The following REPS2 variants were observed in gnomAD, a reference collection of about 807,000 sequenced individuals.
The protein encoded by REPS2 is ralBP1-associated Eps domain-containing protein 2.
REPS2 carries 23 observed loss-of-function variants against 53.6 expected under a neutral mutation model. That is an observed-to-expected ratio of 0.43 (90% CI 0.31 to 0.61). The LOEUF (loss-of-function observed/expected upper bound fraction) is 0.61, where lower values mean the gene tolerates loss of function less well. Ranked by LOEUF, REPS2 falls within the 20% of genes least tolerant of loss-of-function variation. The pLI, the probability that REPS2 is intolerant of heterozygous loss-of-function variation, is 0.11. For synonymous variants in REPS2, 238 were observed against 218.6 expected, an observed-to-expected ratio of 1.09 and a Z score of -0.78; for missense variants, 446 against 534.9, an observed-to-expected ratio of 0.83 and a Z score of 1.64.
intron 14 of REPS2, among the ~76,000 whole-genome samples, chrX:17,127,589 G>A (rs994126430): frequency 1.3e-4 from 15 of 111,776 alleles, no homozygotes; most frequent in Admixed American, 5.7e-4. Flanking sequence ...AAATGACCCA[G>A]AACAAACCAG....
At chrX:17,064,279 G>A (rs1161427392) in intron 9 of REPS2, among the ~76,000 whole-genome samples, 1 of 111,726 alleles carries the variant, frequency 9.0e-6, no homozygotes, top group African/African-American at 3.3e-5. Flanking sequence ...TAAGAAGTAC[G>A]GGTCAGATTG....
At chrX:17,173,495 A>G in the REPS2 span, among the ~76,000 whole-genome samples, 9 of 111,714 alleles carry the variant, frequency 8.1e-5, no homozygotes, top group South Asian at 3.7e-4. Flanking sequence ...CTCTATCTCT[A>G]TCTATCATAA....
intron 1 of REPS2, among the ~76,000 whole-genome samples, chrX:17,000,028 C>A: frequency 1.3e-5 from 1 of 75,952 alleles, no homozygotes. Flanking sequence ...GCCTGGGCGA[C>A]AGAGCGAGAC....
At chrX:16,992,487 T>A (rs1398615100) in intron 1 of REPS2, among the ~76,000 whole-genome samples, 1 of 112,479 alleles carries the variant, frequency 8.9e-6, no homozygotes, top group African/African-American at 3.2e-5. Flanking sequence ...ATATTTGGAC[T>A]GACTCTGCCT....
At chrX:16,957,790 A>G (rs1215819861) in intron 1 of REPS2, among the ~76,000 whole-genome samples, 1 of 111,743 alleles carries the variant, frequency 8.9e-6, no homozygotes, top group African/African-American at 3.3e-5. Flanking sequence ...CATGACTGAC[A>G]CTTTGGGGCT....
At chrX:17,030,964 AC>A (rs2061702084) in intron 5 of REPS2, among the ~76,000 whole-genome samples, 1 of 112,345 alleles carries the variant, frequency 8.9e-6, no homozygotes, top group Non-Finnish European at 1.9e-5. Flanking sequence ...CCTTATTGAT[AC>A]CACACTGGAG....
intron 9 of REPS2, among the ~76,000 whole-genome samples, chrX:17,065,775 C>T (rs1235998581): frequency 9.0e-6 from 1 of 110,886 alleles, no homozygotes; most frequent in East Asian, 2.8e-4. Context: ...TTAGTGGAGA[C>T]GGGGTTTCAC....
chrX:16,991,152 A>G (rs1350046012), intron 1 of REPS2, among the ~76,000 whole-genome samples: 1 of 111,404 alleles, frequency 9.0e-6, no homozygotes, highest in African/African-American at 3.3e-5. Flanking sequence ...GTCAGTTCCA[A>G]GGTCTTTTCT....
intron 14 of REPS2, among the ~76,000 whole-genome samples, chrX:17,122,077 G>T (rs1168363691): frequency 2.7e-5 from 3 of 111,052 alleles, no homozygotes; most frequent in Non-Finnish European, 5.7e-5. Context: ...AAGTATAATT[G>T]CATATAGAAA....
intron 14 of REPS2, among the ~76,000 whole-genome samples, chrX:17,133,218 ATCT>A (rs916265078): frequency 1.8e-5 from 2 of 109,538 alleles, no homozygotes; most frequent in African/African-American, 6.7e-5. Flanking sequence ...AACCTTGCAG[ATCT>A]TCTCTGTGGT....
At chrX:17,082,950 A>G (rs1398319063) in intron 13 of REPS2, among the ~76,000 whole-genome samples, 1 of 111,590 alleles carries the variant, frequency 9.0e-6, no homozygotes, top group Non-Finnish European at 1.9e-5. Context: ...TGAAAGTACC[A>G]GAGATGTCTT....
At position 17,147,571 on chromosome X, in the gene REPS2, TTGAC is replaced by T. The variant is rs1293612563; in HGVS notation, c.*93_*96del. 20 of 714,586 alleles carry T rather than the reference TTGAC, an allele frequency of 2.8e-5. No individual in the cohort carries two copies. In the East Asian group the frequency reaches 5.7e-4, roughly 20 times the overall value. 58.9% of individuals were successfully genotyped at this position (714,586 alleles called of 1,213,427 possible). A position where few individuals can be genotyped will look rare whatever the true frequency, so the allele number is the denominator to read the frequency against. ...GAACCCAACTACTTGTCATAGATGT[TTGAC>T]TGTGTCAAAAGCTGTGAGCAGCAAA... is the stretch of plus-strand genomic sequence containing the variant. On this transcript the variant is annotated 3_prime_UTR_variant, in exon 18 of 18. Coordinates refer to ENST00000357277, the MANE Select transcript of REPS2 (RefSeq NM_004726.3).
At chrX:16,966,893 A>G (rs756207501) in intron 1 of REPS2, among the ~76,000 whole-genome samples, 1 of 112,438 alleles carries the variant, frequency 8.9e-6, no homozygotes. Flanking sequence ...CATTCTTGAC[A>G]GTTTTTGTGA....
rs769545444 is a variant in REPS2 at position 17,030,424 on chromosome X, G to A, written c.771+801G>A. ...GTATAACATTTCAGTCATCTAACTC[G>A]GGAATAAGGAACATTTTTGCACAGG... is the stretch of plus-strand genomic sequence containing the variant. On this transcript the variant is annotated intron_variant, in intron 5 of 17. Coordinates refer to ENST00000357277, the MANE Select transcript of REPS2 (RefSeq NM_004726.3). Among the ~76,000 whole-genome samples the A allele has an allele frequency of 4.5e-5, 5 of 110,669 alleles. No individual in the cohort carries two copies. In the South Asian group the frequency reaches 1.1e-3, roughly 25 times the overall value.
intron 9 of REPS2, among the ~76,000 whole-genome samples, chrX:17,066,491 CCTG>C (rs2062226400): frequency 8.9e-6 from 1 of 112,192 alleles, no homozygotes; most frequent in Admixed American, 9.5e-5. Context: ...TCCAAAGGGG[CCTG>C]ATTTATAATG....
intron 1 of REPS2, among the ~76,000 whole-genome samples, chrX:16,988,251 C>T (rs1798941388): frequency 9.0e-6 from 1 of 111,541 alleles, no homozygotes; most frequent in Admixed American, 9.6e-5. Flanking sequence ...GCATTCTAGC[C>T]TGGGCAACAG....
chrX:16,949,203 G>T (rs1374934629), intron 1 of REPS2, among the ~76,000 whole-genome samples: 1 of 111,023 alleles, frequency 9.0e-6, no homozygotes, highest in African/African-American at 3.3e-5. Flanking sequence ...CTGTTAAACA[G>T]GAACCTGTAA....
intron 1 of REPS2, among the ~76,000 whole-genome samples, chrX:16,964,882 T>C (rs868154367): frequency 1.1e-4 from 7 of 62,910 alleles, no homozygotes; most frequent in African/African-American, 1.3e-4. Context: ...CGCCCCTCAC[T>C]TCCCGGACGG....
chrX:17,018,587 C>A (rs1569129096), intron 2 of REPS2, among the ~76,000 whole-genome samples: 1 of 80,979 alleles, frequency 1.2e-5, no homozygotes, highest in East Asian at 4.5e-4. Flanking sequence ...GCTTGTTTCA[C>A]TTCTTTCTTT....
Sources: gnomAD v4.1 joint callset for allele counts (sites outside exome capture counted in the v4.1 genomes callset) on GRCh38, gnomAD v4.1.1 for gene constraint, MANE v1.5 for transcripts, NCBI Gene and HGNC (gene_info 2026-07-23, HGNC 2026-07-21) for gene names.